POU6F2: variants seen among roughly 807,000 people sequenced by gnomAD.
POU6F2 encodes POU domain, class 6, transcription factor 2.
Under a neutral mutation model 71.3 loss-of-function variants are expected in POU6F2, and 31 were observed. The observed-to-expected ratio is 0.43, with a 90% confidence interval of 0.33 to 0.59. The LOEUF (loss-of-function observed/expected upper bound fraction) is 0.59, where lower values mean the gene tolerates loss of function less well. Among genes scored for constraint, POU6F2 ranks in the 20% least tolerant of loss-of-function variants. The probability of loss-of-function intolerance (pLI) is 0.04; values close to 1 mark genes in which losing one functional copy is unlikely to be tolerated. For synonymous variants in POU6F2, 347 were observed against 355.7 expected, an observed-to-expected ratio of 0.98 and a Z score of 0.27; for missense variants, 783 against 856.8, an observed-to-expected ratio of 0.91 and a Z score of 1.07.
chr7:39,458,722 CT>C (rs1788866407), intron 8 of POU6F2, among the ~76,000 whole-genome samples: 1 of 152,162 alleles, frequency 6.6e-6, no homozygotes, highest in Non-Finnish European at 1.5e-5. Context: ...CTGCCCACCC[CT>C]GCCCCGCCCG....
chr7:39,281,016 GTT>G (rs35854180), intron 4 of POU6F2, among the ~76,000 whole-genome samples: 40,964 of 151,938 alleles, frequency 0.27, 6,243 homozygotes, highest in African/African-American at 0.41. Context: ...TCTTTTAAAA[GTT>G]TTAGTATTTA....
chr7:39,281,092 C>G (rs1250922070), intron 4 of POU6F2, among the ~76,000 whole-genome samples: 1 of 149,824 alleles, frequency 6.7e-6, no homozygotes, highest in Non-Finnish European at 1.5e-5. Flanking sequence ...ATTTAGAAAT[C>G]ATGCCATTTT....
intron 5 of POU6F2, 23 bp from the exon 6 acceptor site, chr7:39,406,577 G>A (rs1036736262): frequency 6.3e-7 from 1 of 1,575,880 alleles, no homozygotes; most frequent in Non-Finnish European, 8.6e-7. Flanking sequence ...TGGTTTTCAC[G>A]GTGATCTTTT....
intron 4 of POU6F2, among the ~76,000 whole-genome samples, chr7:39,232,521 A>T (rs994738421): frequency 3.9e-5 from 6 of 152,226 alleles, no homozygotes; most frequent in Admixed American, 3.3e-4. Context: ...AATAGAAAAC[A>T]TCCAATTTTT....
At chr7:39,153,447 A>G (rs1210492732) in intron 2 of POU6F2, among the ~76,000 whole-genome samples, 1 of 152,056 alleles carries the variant, frequency 6.6e-6, no homozygotes, top group Non-Finnish European at 1.5e-5. Context: ...TGGGGGAAAA[A>G]TGGGGTCGAG....
At chr7:38,995,613 T>C (rs550197661) in intron 1 of POU6F2, among the ~76,000 whole-genome samples, 1 of 152,340 alleles carries the variant, frequency 6.6e-6, no homozygotes, top group South Asian at 2.1e-4. Context: ...TATTAGCTAC[T>C]TGAGGCAGGG....
intron 1 of POU6F2, among the ~76,000 whole-genome samples, chr7:39,073,827 T>C (rs2128718618): frequency 6.6e-6 from 1 of 152,324 alleles, no homozygotes; most frequent in African/African-American, 2.4e-5. Flanking sequence ...AAAACACTTA[T>C]TGGTGAAATC....
intron 4 of POU6F2, among the ~76,000 whole-genome samples, chr7:39,333,553 A>G (rs976513941): frequency 5.3e-5 from 8 of 152,240 alleles, no homozygotes; most frequent in Non-Finnish European, 8.8e-5. Context: ...CCTGGCTAAC[A>G]TGGTGAAACC....
intron 1 of POU6F2, among the ~76,000 whole-genome samples, chr7:39,054,754 A>G (rs1790473465): frequency 6.8e-6 from 1 of 147,914 alleles, no homozygotes; most frequent in Non-Finnish European, 1.5e-5. Context: ...CAGCACAGGG[A>G]AAAGATCAGA....
chr7:39,397,465 GAC>G (rs1787197080), intron 5 of POU6F2, among the ~76,000 whole-genome samples: 1 of 76,986 alleles, frequency 1.3e-5, no homozygotes, highest in African/African-American at 6.5e-5. Flanking sequence ...CATATATATA[GAC>G]ATAGAGAGAG....
intron 4 of POU6F2, 66 bp downstream of exon 4, chr7:39,207,686 A>C: frequency 2.4e-6 from 3 of 1,234,068 alleles, no homozygotes; most frequent in South Asian, 3.1e-5. Flanking sequence ...TGAAGTGGGC[A>C]AAAAAAAATG....
chr7:39,156,967 G>A (rs1466654377), intron 2 of POU6F2, among the ~76,000 whole-genome samples: 2 of 152,088 alleles, frequency 1.3e-5, no homozygotes. Context: ...AACTTTAAGG[G>A]GAGTTTTCTT....
intron 2 of POU6F2, among the ~76,000 whole-genome samples, chr7:39,123,214 T>C (rs1158622804): frequency 2.0e-5 from 3 of 152,240 alleles, no homozygotes; most frequent in African/African-American, 7.2e-5. Context: ...TTCGAGGCCA[T>C]GGAAGCCATT....
chr7:38,986,220 T>C (rs1317899362), intron 1 of POU6F2, among the ~76,000 whole-genome samples: 4 of 152,126 alleles, frequency 2.6e-5, no homozygotes, highest in African/African-American at 9.7e-5. Context: ...AAAAATACTT[T>C]GCAACTTTTT....
intron 1 of POU6F2, among the ~76,000 whole-genome samples, chr7:38,980,204 G>T (rs1788281850): frequency 6.6e-6 from 1 of 152,086 alleles, no homozygotes; most frequent in South Asian, 2.1e-4. Flanking sequence ...CTCATAATTT[G>T]TTAAAAACGC....
chr7:39,074,374 GGA>G (rs1258512704), intron 1 of POU6F2, among the ~76,000 whole-genome samples: 1 of 151,944 alleles, frequency 6.6e-6, no homozygotes, highest in Non-Finnish European at 1.5e-5. Flanking sequence ...CAGCTACTTG[GGA>G]GGCTGAGGCA....
chr7:39,123,630 T>G (rs1360930907), intron 2 of POU6F2, among the ~76,000 whole-genome samples: 1 of 152,236 alleles, frequency 6.6e-6, no homozygotes, highest in Non-Finnish European at 1.5e-5. Flanking sequence ...GGCCAGGATT[T>G]AAAATACACT....
intron 1 of POU6F2, among the ~76,000 whole-genome samples, chr7:38,992,394 A>G (rs1788628170): frequency 6.6e-6 from 1 of 152,212 alleles, no homozygotes; most frequent in South Asian, 2.1e-4. Context: ...TTCCTTATTC[A>G]TACTGCATAA....
chr7:39,363,499 T>C (rs991715268), intron 5 of POU6F2, among the ~76,000 whole-genome samples: 1 of 151,630 alleles, frequency 6.6e-6, no homozygotes, highest in African/African-American at 2.4e-5. Context: ...GATATAAACT[T>C]GCAAGTTCAT....
Sources: gnomAD v4.1 joint callset for allele counts (sites outside exome capture counted in the v4.1 genomes callset) on GRCh38, gnomAD v4.1.1 for gene constraint, MANE v1.5 for transcripts, NCBI Gene and HGNC (gene_info 2026-07-23, HGNC 2026-07-21) for gene names.